The following CMTM8 variants were observed in gnomAD, a reference collection of about 807,000 sequenced individuals.
CMTM8 encodes the protein CKLF-like MARVEL transmembrane domain-containing protein 8.
In CMTM8, 12 loss-of-function variants were observed where a neutral mutation model predicts 18.6. The ratio of observed to expected loss-of-function variants is 0.65; its 90% CI spans 0.41 to 1.05. The LOEUF is 1.05. Ranked by LOEUF, CMTM8 falls within the 50% of genes least tolerant of loss-of-function variation. The probability of loss-of-function intolerance (pLI) is 0.00; values close to 1 mark genes in which losing one functional copy is unlikely to be tolerated. For missense variants in CMTM8, 217 were observed against 227.2 expected (o/e 0.95, Z 0.29); for synonymous variants, 87 against 90.6 (o/e 0.96, Z 0.23).
At chr3:32,286,328 C>G (rs1702685217) in intron 1 of CMTM8, among the ~76,000 whole-genome samples, 1 of 152,162 alleles carries the variant, frequency 6.6e-6, no homozygotes. Context: ...AAAAATCTCT[C>G]TTAGCTTATA....
intron 1 of CMTM8, among the ~76,000 whole-genome samples, chr3:32,338,067 T>A (rs1696421841): frequency 7.0e-6 from 1 of 142,426 alleles, no homozygotes; most frequent in Admixed American, 7.2e-5. Flanking sequence ...CACTGCAACC[T>A]CCGCCTCCCA....
intron 1 of CMTM8, among the ~76,000 whole-genome samples, chr3:32,335,651 C>T (rs934999011): frequency 2.0e-5 from 3 of 152,092 alleles, no homozygotes; most frequent in African/African-American, 7.2e-5. Flanking sequence ...ACAGATGTGT[C>T]GAAGGTCACC....
At chr3:32,367,799 T>A in intron 2 of CMTM8, 73 bp from the exon 3 acceptor site, 2 of 976,766 alleles carry the variant, frequency 2.0e-6, no homozygotes, top group Non-Finnish European at 3.2e-6. Context: ...GGTACAGCCC[T>A]CATCACTTCT....
intron 2 of CMTM8, 117 bp from the exon 3 acceptor site, chr3:32,367,755 A>C: frequency 1.5e-6 from 1 of 647,360 alleles, no homozygotes. Flanking sequence ...CCACCCTCCC[A>C]CAGGTGTCCA....
intron 1 of CMTM8, among the ~76,000 whole-genome samples, chr3:32,299,103 A>C (rs542449860): frequency 1.3e-5 from 2 of 151,480 alleles, no homozygotes; most frequent in East Asian, 3.9e-4. Context: ...TGCTGCTTCA[A>C]ATCCCTCTTG....
At chr3:32,269,936 C>T (rs1439180902) in intron 1 of CMTM8, among the ~76,000 whole-genome samples, 1 of 151,728 alleles carries the variant, frequency 6.6e-6, no homozygotes, top group East Asian at 1.9e-4. Context: ...CACTACCATG[C>T]CTGGCTAATT....
chr3:32,305,867 G>C (rs1695705852), intron 1 of CMTM8, among the ~76,000 whole-genome samples: 1 of 152,162 alleles, frequency 6.6e-6, no homozygotes, highest in African/African-American at 2.4e-5. Context: ...AATGTGTATT[G>C]ACTGTAGATA....
rs138000216 is a variant in CMTM8, at chr3:32,349,736, G to T, written c.148-7637G>T. On this transcript the variant is annotated intron_variant, in intron 1 of 3. Coordinates refer to ENST00000307526, the MANE Select transcript of CMTM8 (RefSeq NM_178868.5). ...TAATTTTATTGGCCAGGCCAGGCCC[G>T]GTGGCTCACACCTGTAATCCCAGCA... is the stretch of plus-strand genomic sequence containing the variant. Among the ~76,000 whole-genome samples the T allele has an allele frequency of 5.6e-4, 85 of 152,246 alleles. No individual in the cohort carries two copies. In the South Asian group the frequency reaches 0.017, roughly 30 times the overall value.
At chr3:32,352,204 CAA>C (rs754856970) in intron 1 of CMTM8, among the ~76,000 whole-genome samples, 5 of 65,904 alleles carry the variant, frequency 7.6e-5, no homozygotes, top group Non-Finnish European at 1.4e-4. Context: ...CACACACTCA[CAA>C]AAAAAAAAAA....
intron 1 of CMTM8, among the ~76,000 whole-genome samples, chr3:32,269,374 A>G (rs2125542664): frequency 6.6e-6 from 1 of 152,362 alleles, no homozygotes; most frequent in African/African-American, 2.4e-5. Context: ...ATTCCTTTTA[A>G]TTGTGACATG....
At chr3:32,300,875 G>T (rs1261740152) in intron 1 of CMTM8, among the ~76,000 whole-genome samples, 2 of 151,562 alleles carry the variant, frequency 1.3e-5, no homozygotes, top group Non-Finnish European at 2.9e-5. Context: ...CAGGAGAATT[G>T]CTTGAACCTG....
intron 1 of CMTM8, among the ~76,000 whole-genome samples, chr3:32,286,093 T>C (rs1159266108): frequency 6.6e-6 from 1 of 152,226 alleles, no homozygotes; most frequent in East Asian, 1.9e-4. Flanking sequence ...CGGCAGACTT[T>C]TTCCGTCAAG....
At chr3:32,313,335 G>C (rs373620922) in intron 1 of CMTM8, among the ~76,000 whole-genome samples, 16 of 152,268 alleles carry the variant, frequency 1.1e-4, no homozygotes, top group East Asian at 7.7e-4. Flanking sequence ...TTTGCAGCAG[G>C]GGGGAGCCTA....
At chr3:32,239,193 GA>G in intron 1 of CMTM8, 74 bp downstream of exon 1, 1 of 1,499,948 alleles carries the variant, frequency 6.7e-7, no homozygotes, top group South Asian at 1.2e-5. Context: ...TGCTTCTCGG[GA>G]TGGAGCCTGC....
chr3:32,297,037 G>T (rs983318771), intron 1 of CMTM8, among the ~76,000 whole-genome samples: 2 of 152,146 alleles, frequency 1.3e-5, no homozygotes, highest in Non-Finnish European at 2.9e-5. Context: ...TCTAGCCATT[G>T]AACAGAGAGA....
At chr3:32,249,030 C>CT (rs58156524) in intron 1 of CMTM8, among the ~76,000 whole-genome samples, 33,522 of 62,108 alleles carry the variant, frequency 0.54, 13,691 homozygotes, top group Non-Finnish European at 0.59. Flanking sequence ...AATGTGGAAT[C>CT]TTTTTTTTTT....
At chr3:32,249,628 A>G (rs1198346530) in intron 1 of CMTM8, among the ~76,000 whole-genome samples, 1 of 152,110 alleles carries the variant, frequency 6.6e-6, no homozygotes, top group Admixed American at 6.5e-5. Flanking sequence ...TTTCATCATG[A>G]CTAATGATAT....
chr3:32,332,982 G>A (rs1696310257), intron 1 of CMTM8, among the ~76,000 whole-genome samples: 1 of 152,206 alleles, frequency 6.6e-6, no homozygotes, highest in South Asian at 2.1e-4. Flanking sequence ...AGAAGGTTTG[G>A]AATGTGTGTG....
intron 1 of CMTM8, among the ~76,000 whole-genome samples, chr3:32,301,920 A>C (rs945296985): frequency 6.6e-6 from 1 of 152,052 alleles, no homozygotes; most frequent in Non-Finnish European, 1.5e-5. Context: ...GCTTGAATTC[A>C]TAGTCATTAA....
Sources: gnomAD v4.1 joint callset for allele counts (sites outside exome capture counted in the v4.1 genomes callset) on GRCh38, gnomAD v4.1.1 for gene constraint, MANE v1.5 for transcripts, NCBI Gene and HGNC (gene_info 2026-07-23, HGNC 2026-07-21) for gene names.